NAV2: variants seen among roughly 807,000 people sequenced by gnomAD.
The protein encoded by NAV2 is neuron navigator 2.
A neutral mutation model predicts 223.2 loss-of-function variants in NAV2; 54 were observed. That is an observed-to-expected ratio of 0.24 (90% CI 0.19 to 0.30). NAV2 has a LOEUF of 0.30. Among genes scored for constraint, NAV2 ranks in the 10% least tolerant of loss-of-function variants. The pLI, the probability that NAV2 is intolerant of heterozygous loss-of-function variation, is 1.00. For synonymous variants in NAV2, 1,279 were observed against 1,239.3 expected, an observed-to-expected ratio of 1.03 and a Z score of -0.67; for missense variants, 2,806 against 3,147.5, an observed-to-expected ratio of 0.89 and a Z score of 2.60.
intron 1 of NAV2, among the ~76,000 whole-genome samples, chr11:19,759,045 G>A (rs1419244428): frequency 6.7e-6 from 1 of 150,284 alleles, no homozygotes; most frequent in Non-Finnish European, 1.5e-5. Context: ...GTGCTTCTGT[G>A]CAATTGATCA....
intron 1 of NAV2, among the ~76,000 whole-genome samples, chr11:19,380,891 C>G (rs904067963): frequency 6.6e-6 from 1 of 152,180 alleles, no homozygotes; most frequent in Non-Finnish European, 1.5e-5. Flanking sequence ...CCAGGAAAAT[C>G]TGGGCAAACC....
chr11:19,778,655 A>G (rs775999075), intron 1 of NAV2, among the ~76,000 whole-genome samples: 9 of 152,236 alleles, frequency 5.9e-5, no homozygotes, highest in Non-Finnish European at 1.2e-4. Flanking sequence ...CTTGCTTTTC[A>G]TACTTCTTGT....
chr11:19,513,651 G>T (rs576870649), intron 1 of NAV2, among the ~76,000 whole-genome samples: 1 of 152,274 alleles, frequency 6.6e-6, no homozygotes, highest in South Asian at 2.1e-4. Flanking sequence ...GGTTGACTTG[G>T]ATCCTCCAAA....
At chr11:19,697,090 A>G (rs2049364070) in intron 1 of NAV2, among the ~76,000 whole-genome samples, 1 of 152,232 alleles carries the variant, frequency 6.6e-6, no homozygotes, top group Admixed American at 6.5e-5. Context: ...CTGGAATACT[A>G]TGCAGCCATA....
chr11:19,957,508 A>G (rs2047976717), intron 10 of NAV2, among the ~76,000 whole-genome samples: 1 of 152,184 alleles, frequency 6.6e-6, no homozygotes, highest in Non-Finnish European at 1.5e-5. Flanking sequence ...GGTTTGGCAG[A>G]TGGATGGCTC....
At chr11:19,994,097 G>A (rs1020210508) in intron 11 of NAV2, among the ~76,000 whole-genome samples, 4 of 152,210 alleles carry the variant, frequency 2.6e-5, no homozygotes, top group Admixed American at 2.6e-4. Flanking sequence ...GGAACTTGCT[G>A]TTATCCTAAT....
intron 3 of NAV2, 126 bp downstream of exon 3, chr11:19,843,049 CAGCTATTTCCAAGT>C: frequency 1.4e-6 from 1 of 733,580 alleles, no homozygotes; most frequent in South Asian, 2.1e-5. Flanking sequence ...AATAAACTCA[CAGCTATTTCCAAGT>C]AGCTGTGTTC....
intron 1 of NAV2, among the ~76,000 whole-genome samples, chr11:19,541,179 C>T (rs2044331006): frequency 6.6e-6 from 1 of 152,198 alleles, no homozygotes; most frequent in Non-Finnish European, 1.5e-5. Context: ...TTCACTGCTA[C>T]TGGAACCAGA....
intron 1 of NAV2, among the ~76,000 whole-genome samples, chr11:19,394,641 G>A (rs1276360655): frequency 6.6e-6 from 1 of 152,192 alleles, no homozygotes; most frequent in Non-Finnish European, 1.5e-5. Context: ...GGGAAGGAAA[G>A]TCCCAGGCAA....
In NAV2 at chr11:19,998,706, C is replaced by A. The variant is rs1161331165; in HGVS notation, c.2768+14459C>A. Among the ~76,000 whole-genome samples the A allele has an allele frequency of 5.0e-5, 4 of 80,094 alleles. No homozygotes were observed. The South Asian group carries it at 1.1e-3, about 22-fold the overall frequency. 52.5% of individuals were successfully genotyped at this position (80,094 alleles called of 152,430 possible). On this transcript the variant is annotated intron_variant, in intron 11 of 37. Coordinates refer to ENST00000349880, the MANE Select transcript of NAV2 (RefSeq NM_145117.5). The surrounding 1 kb of genome is among the most constrained non-coding windows in gnomAD (Gnocchi z 5.0). ...GTCCCCTCTGCATAGACTGTGCTTC[C>A]CCCCCTCTCTCCTTTTCTCCTTATA...
intron 6 of NAV2, among the ~76,000 whole-genome samples, chr11:19,899,341 A>G (rs939934449): frequency 6.6e-6 from 1 of 152,200 alleles, no homozygotes; most frequent in Non-Finnish European, 1.5e-5. Context: ...TGGCAAACCA[A>G]GTTATTTATC....
At chr11:19,411,314 T>C (rs1044811711) in intron 1 of NAV2, among the ~76,000 whole-genome samples, 1 of 152,186 alleles carries the variant, frequency 6.6e-6, no homozygotes, top group African/African-American at 2.4e-5. Context: ...GTGGGGAGTT[T>C]AAATGATCTT....
chr11:19,782,880 A>T (rs1417888657), intron 1 of NAV2, among the ~76,000 whole-genome samples: 1 of 152,182 alleles, frequency 6.6e-6, no homozygotes, highest in African/African-American at 2.4e-5. Flanking sequence ...TGTGATGGAG[A>T]TATTTGGCTG....
chr11:19,997,800 A>G (rs1020284971), intron 11 of NAV2, among the ~76,000 whole-genome samples: 4 of 152,188 alleles, frequency 2.6e-5, no homozygotes, highest in Non-Finnish European at 5.9e-5. Flanking sequence ...TCCAGCACCA[A>G]GAATAATCAG....
chr11:19,795,152 A>G lies in NAV2; in HGVS notation c.268-37332A>G, dbSNP rs563330424. On this transcript the variant is annotated intron_variant, in intron 1 of 37. Coordinates refer to ENST00000349880, the MANE Select transcript of NAV2 (RefSeq NM_145117.5). ...TTTCTAACAGTTTTCCTGTAAGACC[A>G]AACTATTCCCAAGGGCCTGAGAAGA... Among the ~76,000 whole-genome samples the G allele has an allele frequency of 2.1e-3, 315 of 152,332 alleles. 7 individuals are homozygous for G. Among genetic ancestry groups the G allele is most frequent in the Middle Eastern group, 0.01 (3 of 294 alleles).
At chr11:19,941,634 A>G (rs2046411779) in intron 8 of NAV2, among the ~76,000 whole-genome samples, 2 of 152,044 alleles carry the variant, frequency 1.3e-5, no homozygotes, top group South Asian at 4.2e-4. Flanking sequence ...CTTACAGTTG[A>G]GAAATGCATC....
chr11:19,348,704 G>C (rs924025037), upstream of NAV2, among the ~76,000 whole-genome samples: 1 of 152,216 alleles, frequency 6.6e-6, no homozygotes, highest in Non-Finnish European at 1.5e-5. Context: ...ATTATCATTT[G>C]ATCACCTATT....
At position 19,483,435 on chromosome 11, in the gene NAV2, C is replaced by A. The variant is rs570542114; in HGVS notation, c.75+132408C>A. Among the ~76,000 whole-genome samples, 7 of 152,268 alleles carry A rather than the reference C, an allele frequency of 4.6e-5. No individual in the cohort carries two copies. The East Asian group carries it at 1.4e-3, about 29-fold the overall frequency. On this transcript the variant is annotated intron_variant, in intron 1 of 37. Transcript: ENST00000360655. ...TTCTGTTCAAGTAACCATTATTGCA[C>A]TTAATAGTGACCCCAAAGCACAAGG...
At chr11:19,821,130 C>T (rs770314809) in intron 1 of NAV2, among the ~76,000 whole-genome samples, 25 of 152,030 alleles carry the variant, frequency 1.6e-4, no homozygotes, top group Non-Finnish European at 3.1e-4. Context: ...GGCGTGGTGG[C>T]AGGCACCTGT....
Sources: allele counts gnomAD v4.1 joint callset (sites outside exome capture counted in the v4.1 genomes callset), GRCh38; gene constraint gnomAD v4.1.1; non-coding constraint Gnocchi (gnomAD v3.1); transcripts MANE v1.5; gene names NCBI Gene and HGNC (gene_info 2026-07-23, HGNC 2026-07-21).